The following TRIM67 variants were observed in gnomAD, a reference collection of about 807,000 sequenced individuals.
TRIM67 encodes tripartite motif containing 67.
TRIM67 carries 39 observed loss-of-function variants against 71.0 expected under a neutral mutation model. That is an observed-to-expected ratio of 0.55 (90% CI 0.43 to 0.72). The LOEUF (loss-of-function observed/expected upper bound fraction) is 0.72. TRIM67 is among the 30% of genes least tolerant of loss of function. The pLI, the probability that TRIM67 is intolerant of heterozygous loss-of-function variation, is 0.00. For missense variants in TRIM67, 973 were observed against 1,079.2 expected (o/e 0.90, Z 1.38); for synonymous variants, 481 against 473.9 (o/e 1.01, Z -0.19).
chr1:231,182,983 C>A (rs1434301459), intron 1 of TRIM67, among the ~76,000 whole-genome samples: 1 of 152,170 alleles, frequency 6.6e-6, no homozygotes, highest in East Asian at 1.9e-4. Flanking sequence ...TCTGACATAT[C>A]AATCCTGGCA....
In TRIM67 at chr1:231,215,410, C is replaced by T. The variant is rs770312214; in HGVS notation, c.2322C>T (p.Asn774=). 1.2e-6 allele frequency: 2 copies of T among 1,611,964 alleles called. No individual in the cohort carries two copies. The highest frequency in any genetic ancestry group is 8.5e-7 in the Non-Finnish European group (1 of 1,178,786). Residue 774 remains asparagine, a synonymous_variant, in exon 10 of 10, where the codon AAC becomes AAT. Coordinates refer to ENST00000366653, the MANE Select transcript of TRIM67 (RefSeq NM_001004342.5). ...TLHTGLEVPT[N]LGRPKLSGN The stretch of plus-strand genomic sequence containing the variant: ...ACACAGGATTGGAAGTGCCGACTAA[C>T]CTGGGGCGGCCAAAGCTGTCAGGCA...
chr1:231,203,802 G>T, intron 5 of TRIM67, 65 bp from the exon 6 acceptor site: 1 of 1,553,166 alleles, frequency 6.4e-7, no homozygotes, highest in Non-Finnish European at 8.7e-7. Context: ...ATGGGGTGGG[G>T]TGGGGGACCG....
At chr1:231,165,246 C>G (rs554099262) in intron 1 of TRIM67, among the ~76,000 whole-genome samples, 1 of 152,328 alleles carries the variant, frequency 6.6e-6, no homozygotes, top group South Asian at 2.1e-4. Context: ...CAAATGTCAA[C>G]AGTGCTCTGG....
At chr1:231,166,541 G>A (rs950982367) in intron 1 of TRIM67, among the ~76,000 whole-genome samples, 5 of 72,506 alleles carry the variant, frequency 6.9e-5, no homozygotes, top group Non-Finnish European at 1.4e-4. Flanking sequence ...TGAAGTCTCT[G>A]GATTTTGTTG....
At chr1:231,190,348 TCTC>T (rs1683198617) in intron 1 of TRIM67, among the ~76,000 whole-genome samples, 1 of 152,016 alleles carries the variant, frequency 6.6e-6, no homozygotes, top group Middle Eastern at 3.2e-3. Context: ...CAGTCCCAGC[TCTC>T]CTCCTTACTG....
At chr1:231,212,423 C>A (rs548912283) in intron 8 of TRIM67, among the ~76,000 whole-genome samples, 4 of 152,114 alleles carry the variant, frequency 2.6e-5, no homozygotes, top group Admixed American at 6.6e-5. Context: ...CAACTCCTTA[C>A]GGAAGGGGGT....
chr1:231,219,307 T>A lies in TRIM67; in HGVS notation c.*3867T>A. 1.0e-6 allele frequency: 1 copy of A among 983,226 alleles called. No homozygotes were observed. The highest frequency in any genetic ancestry group is 1.2e-6 in the Non-Finnish European group (1 of 827,750). 60.9% of individuals were successfully genotyped at this position (983,226 alleles called of 1,614,324 possible). ...AAGTTAGGTGTGACAACCAAAAGTA[T>A]CTGTCGACATTGCTAGGTATCTCCT... On this transcript the variant is annotated 3_prime_UTR_variant, in exon 10 of 10. Coordinates refer to ENST00000366653, the MANE Select transcript of TRIM67 (RefSeq NM_001004342.5).
intron 1 of TRIM67, among the ~76,000 whole-genome samples, chr1:231,182,345 T>C (rs776633505): frequency 6.6e-6 from 1 of 152,088 alleles, no homozygotes; most frequent in Non-Finnish European, 1.5e-5. Context: ...GAGGATCGCC[T>C]GAGGCCAGGA....
At chr1:231,206,274 T>A (rs2102757374) in intron 6 of TRIM67, among the ~76,000 whole-genome samples, 1 of 151,084 alleles carries the variant, frequency 6.6e-6, no homozygotes, top group Non-Finnish European at 1.5e-5. Context: ...TACTAAAATA[T>A]ATATATATAT....
At position 231,183,684 on chromosome 1, in the gene TRIM67, G is replaced by C. The variant is rs553690554; in HGVS notation, c.1045-13687G>C. On this transcript the variant is annotated intron_variant, in intron 1 of 9. Transcript: ENST00000366653. The stretch of plus-strand genomic sequence containing the variant: ...CTCACAGAATCAATACGAACTTTGA[G>C]AGCCAGGTTTGAAACTGTAACAACA... Among the ~76,000 whole-genome samples the C allele has an allele frequency of 2.6e-5, 4 of 152,208 alleles. No individual in the cohort carries two copies. The East Asian group carries it at 7.7e-4, about 29-fold the overall frequency.
intron 1 of TRIM67, among the ~76,000 whole-genome samples, chr1:231,170,962 A>G (rs1333740021): frequency 6.6e-6 from 1 of 152,194 alleles, no homozygotes; most frequent in Non-Finnish European, 1.5e-5. Flanking sequence ...CTCACTGAAA[A>G]TGCAGAATTT....
At chr1:231,187,773 T>C in intron 1 of TRIM67, 1 of 582,188 alleles carries the variant, frequency 1.7e-6, no homozygotes, top group Non-Finnish European at 3.0e-6. Flanking sequence ...CTCTCTCTGA[T>C]CCACGCCAGG....
In TRIM67 at chr1:231,217,428, C is replaced by T; in HGVS notation, c.*1988C>T. On this transcript the variant is annotated 3_prime_UTR_variant, in exon 10 of 10. Transcript: ENST00000366653. ...CCTGTGTCCTTGCCCGCACCTCTGCCTCTGTCTCCCATATCCCTGCAGCTT... is the reference window on the plus strand; with the variant it reads ...CCTGTGTCCTTGCCCGCACCTCTGCTTCTGTCTCCCATATCCCTGCAGCTT... 1.0e-6 allele frequency: 1 copy of T among 988,892 alleles called. No homozygotes were observed. Among genetic ancestry groups the T allele is most frequent in the Non-Finnish European group, 1.2e-6 (1 of 832,212 alleles). The allele number at this position is 988,892 out of a possible 1,614,324, so 61.3% of individuals were successfully genotyped here.
intron 1 of TRIM67, among the ~76,000 whole-genome samples, chr1:231,173,538 A>G (rs1352238772): frequency 1.3e-5 from 2 of 152,222 alleles, no homozygotes; most frequent in Admixed American, 1.3e-4. Context: ...AGAGAAGACA[A>G]GGGCCAAGAA....
At chr1:231,187,645 T>A (rs943175142) in intron 1 of TRIM67, 2 of 1,296,198 alleles carry the variant, frequency 1.5e-6, no homozygotes, top group East Asian at 2.5e-5. Context: ...ACACGCCCCA[T>A]CTCTACTGTC....
At position 231,162,674 on chromosome 1, in the gene TRIM67, G is replaced by C. The variant is rs1682319983; in HGVS notation, c.-296G>C. On this transcript the variant is annotated 5_prime_UTR_variant, in exon 1 of 10. Transcript: ENST00000366653. ...ATTCATCACCTAAAGCTCCTCGCAG[G>C]CCACCGCGAGGGCAGCCGACCGGCT... 2.5e-6 allele frequency: 1 copy of C among 405,942 alleles called. No homozygotes were observed. Among genetic ancestry groups the C allele is most frequent in the Non-Finnish European group, 4.4e-6 (1 of 225,976 alleles). 25.1% of individuals were successfully genotyped at this position (405,942 alleles called of 1,614,324 possible). A position where few individuals can be genotyped will look rare whatever the true frequency, so the allele number is the denominator to read the frequency against.
intron 1 of TRIM67, among the ~76,000 whole-genome samples, chr1:231,192,515 C>T (rs915850225): frequency 6.6e-6 from 1 of 152,202 alleles, no homozygotes; most frequent in African/African-American, 2.4e-5. Flanking sequence ...TGTTCTTTCA[C>T]TCCAAAAACC....
In TRIM67 at chr1:231,217,807, G is replaced by A. The variant is rs1015985775; in HGVS notation, c.*2367G>A. 13 of 1,289,440 alleles carry A rather than the reference G, an allele frequency of 1.0e-5. No homozygotes were observed. The highest frequency in any genetic ancestry group is 1.3e-5 in the Non-Finnish European group (13 of 988,726). 79.9% of individuals were successfully genotyped at this position (1,289,440 alleles called of 1,614,324 possible). On this transcript the variant is annotated 3_prime_UTR_variant, in exon 10 of 10. Transcript: ENST00000366653. Reference sequence around the variant, plus strand: ...TACCCTGAACCTAACCCCTTTGAGGGAGCAGCATCCAGGTCAGGAGAGAAG... The same window carrying A: ...TACCCTGAACCTAACCCCTTTGAGGAAGCAGCATCCAGGTCAGGAGAGAAG...
rs779254437 is a variant in TRIM67, at chr1:231,163,900, T to A, written c.931T>A (p.Tyr311Asn). ...PTCPEHEMEN[Y>N]SMYCVSCRTP... ...GTGTCCCGAGCATGAAATGGAGAAC[T>A]ACAGCATGTACTGCGTGAGCTGTCG... The change falls in exon 1 of 10, where the codon TAC becomes AAC. Residue 311 changes from tyrosine to asparagine, a missense_variant. Transcript: ENST00000366653. 1 of 1,586,096 alleles carries A rather than the reference T, an allele frequency of 6.3e-7. No homozygotes were observed. Among genetic ancestry groups the A allele is most frequent in the South Asian group, 1.2e-5 (1 of 86,518 alleles).
Sources: allele counts gnomAD v4.1 joint callset (sites outside exome capture counted in the v4.1 genomes callset), GRCh38; gene constraint gnomAD v4.1.1; transcripts MANE v1.5; gene names NCBI Gene and HGNC (gene_info 2026-07-23, HGNC 2026-07-21).